Variants in FRYL observed in about 807,000 individuals in gnomAD.
The protein encoded by FRYL is protein furry homolog-like.
In FRYL, 150 loss-of-function variants were observed where a neutral mutation model predicts 351.2. That is an observed-to-expected ratio of 0.43 (90% CI 0.37 to 0.49). The LOEUF (loss-of-function observed/expected upper bound fraction) is 0.49, where lower values mean the gene tolerates loss of function less well. Among genes scored for constraint, FRYL ranks in the 20% least tolerant of loss-of-function variants. The probability of loss-of-function intolerance (pLI) is 0.00; values close to 1 mark genes in which losing one functional copy is unlikely to be tolerated. For synonymous variants in FRYL, 1,153 were observed against 1,257.1 expected, an observed-to-expected ratio of 0.92 and a Z score of 1.75; for missense variants, 3,036 against 3,619.3, an observed-to-expected ratio of 0.84 and a Z score of 4.13.
chr4:48,687,894 A>G (rs1462304522), intron 2 of FRYL, among the ~76,000 whole-genome samples: 1 of 152,168 alleles, frequency 6.6e-6, no homozygotes, highest in East Asian at 1.9e-4. Context: ...ATTAGTATGT[A>G]AGTAATACGA....
intron 2 of FRYL, among the ~76,000 whole-genome samples, chr4:48,695,747 T>C (rs1766099086): frequency 6.6e-6 from 1 of 152,112 alleles, no homozygotes; most frequent in African/African-American, 2.4e-5. Context: ...ACAGGCAACC[T>C]ACAGAATGGC....
intron 1 of FRYL, among the ~76,000 whole-genome samples, chr4:48,748,018 G>A (rs1227430966): frequency 6.6e-6 from 1 of 152,158 alleles, no homozygotes; most frequent in Admixed American, 6.5e-5. Flanking sequence ...GGCTGAAGAG[G>A]GCAGATCACT....
At chr4:48,556,861 A>C in intron 35 of FRYL, 117 bp downstream of exon 35, 1 of 802,962 alleles carries the variant, frequency 1.2e-6, no homozygotes, top group Non-Finnish European at 1.9e-6. Context: ...GACTGTCTTC[A>C]TCCCGGCCCT....
chr4:48,759,828 ACC>A (rs1005796125), intron 1 of FRYL, among the ~76,000 whole-genome samples: 2 of 151,934 alleles, frequency 1.3e-5, no homozygotes, highest in Non-Finnish European at 2.9e-5. Flanking sequence ...ATCCAGGCTA[ACC>A]CCCCTATTAC....
At chr4:48,700,069 G>A (rs1766576256) in intron 2 of FRYL, among the ~76,000 whole-genome samples, 3 of 152,164 alleles carry the variant, frequency 2.0e-5, no homozygotes, top group Non-Finnish European at 2.9e-5. Flanking sequence ...TGAGAGACAC[G>A]AATGATGAAT....
At position 48,499,274 on chromosome 4, in the gene FRYL, G is replaced by T. The variant is rs373518815; in HGVS notation, c.*148C>A. 16 of 669,316 alleles carry T rather than the reference G, an allele frequency of 2.4e-5. No homozygotes were observed. Among genetic ancestry groups the T allele is most frequent in the African/African-American group, 7.2e-5 (4 of 55,390 alleles). The allele number at this position is 669,316 out of a possible 1,614,324, so 41.5% of individuals were successfully genotyped here. On this transcript the variant is annotated 3_prime_UTR_variant, in exon 64 of 64. Transcript: ENST00000358350. ...AGATGTTTTTTTCTTTCAGATCTTT[G>T]TTTTTGATGATACAGTTTGACATTA...
At chr4:48,548,154 G>T (rs945043223) in intron 40 of FRYL, among the ~76,000 whole-genome samples, 1 of 152,036 alleles carries the variant, frequency 6.6e-6, no homozygotes, top group Non-Finnish European at 1.5e-5. Context: ...CATTAAGTGT[G>T]CCCATCAGGA....
chr4:48,772,359 C>A (rs1479939379), intron 1 of FRYL, among the ~76,000 whole-genome samples: 2 of 152,092 alleles, frequency 1.3e-5, no homozygotes, highest in Non-Finnish European at 2.9e-5. Flanking sequence ...GCACTCCAGC[C>A]TGGGCAACAG....
chr4:48,582,864 C>G (rs937257165), intron 19 of FRYL, 130 bp from the exon 20 acceptor site: 62 of 672,214 alleles, frequency 9.2e-5, no homozygotes, highest in Non-Finnish European at 1.4e-4. Flanking sequence ...AGATAGCAAC[C>G]AATGATCACT....
chr4:48,505,672 C>A lies in FRYL; in HGVS notation c.8395-57G>T, dbSNP rs569936469. On this transcript the variant is annotated intron_variant, in intron 59 of 63. Coordinates refer to ENST00000358350, the MANE Select transcript of FRYL (RefSeq NM_015030.2). ...CACAGTAAAATGGGTAGTGTAACAG[C>A]CTGTCCATATACAACACCAAACTTA... 7 of 1,080,774 alleles carry A rather than the reference C, an allele frequency of 6.5e-6. No individual in the cohort carries two copies. In the African/African-American group the frequency reaches 9.4e-5, roughly 15 times the overall value. 66.9% of individuals were successfully genotyped at this position (1,080,774 alleles called of 1,614,324 possible).
chr4:48,518,344 C>A (rs1724103492), intron 55 of FRYL, among the ~76,000 whole-genome samples: 1 of 152,188 alleles, frequency 6.6e-6, no homozygotes. Context: ...CTGCTAAATT[C>A]TTGCTAATAT....
Position 48,510,878 on chromosome 4 carries a change from A to G in FRYL, c.8252T>C (p.Met2751Thr). The change falls in exon 58 of 64, where the codon ATG becomes ACG. Residue 2751 changes from methionine (M) to threonine (T), a missense_variant. Coordinates refer to ENST00000358350, the MANE Select transcript of FRYL (RefSeq NM_015030.2). ...GACTGTTGGGCATTCTGAACACAGCATCATCACTTCCAAGGAACTTTTAAA... is the reference window on the plus strand; with the variant it reads ...GACTGTTGGGCATTCTGAACACAGCGTCATCACTTCCAAGGAACTTTTAAA... ...TKFKSSLEVM[M>T]LCSECPTVFV... 6.2e-7 allele frequency: 1 copy of G among 1,613,412 alleles called. No individual in the cohort carries two copies. Among genetic ancestry groups the G allele is most frequent in the African/African-American group, 1.3e-5 (1 of 75,024 alleles).
intron 15 of FRYL, among the ~76,000 whole-genome samples, 180 bp from the exon 16 acceptor site, chr4:48,594,196 A>G (rs141315075): frequency 4.4e-4 from 67 of 152,316 alleles, no homozygotes; most frequent in African/African-American, 1.5e-3. Context: ...ATATTATTTA[A>G]TTATCAAATG....
chr4:48,581,186 G>A (rs1224865438), intron 21 of FRYL, among the ~76,000 whole-genome samples: 1 of 151,652 alleles, frequency 6.6e-6, no homozygotes, highest in African/African-American at 2.4e-5. Context: ...GACTACAGGC[G>A]CCCGCCACCA....
chr4:48,701,991 T>C (rs183007044), intron 2 of FRYL, among the ~76,000 whole-genome samples: 3 of 151,946 alleles, frequency 2.0e-5, no homozygotes, highest in Non-Finnish European at 4.4e-5. Context: ...GCAAGTAACA[T>C]TCTTCTGTTT....
chr4:48,598,558 T>G (rs892835299), intron 13 of FRYL, among the ~76,000 whole-genome samples: 2 of 152,216 alleles, frequency 1.3e-5, no homozygotes, highest in African/African-American at 4.8e-5. Context: ...AGATAATGTA[T>G]GTTAAACAGA....
chr4:48,569,496 G>A (rs183373747), intron 27 of FRYL, among the ~76,000 whole-genome samples: 2 of 152,230 alleles, frequency 1.3e-5, no homozygotes, highest in Non-Finnish European at 2.9e-5. Context: ...TGGTAGAGAC[G>A]GGGTTTCGCC....
Position 48,634,447 on chromosome 4 carries a change from G to T in FRYL, c.-37C>A, listed in dbSNP as rs1462380023. On this transcript the variant is annotated 5_prime_UTR_variant, in exon 4 of 64. Transcript: ENST00000358350. ...TTTTTCCCCAAGTGGAATGAAAGTT[G>T]GAAGAAGCACAGTATTTATTTACTT... 1.9e-6 allele frequency: 3 copies of T among 1,611,348 alleles called. No homozygotes were observed. The highest frequency in any genetic ancestry group is 2.7e-5 in the African/African-American group (2 of 74,764).
At chr4:48,664,913 AG>A (rs1274637821) in intron 3 of FRYL, among the ~76,000 whole-genome samples, 2 of 152,216 alleles carry the variant, frequency 1.3e-5, no homozygotes, top group Non-Finnish European at 2.9e-5. Flanking sequence ...CTAAATAGAA[AG>A]GTTTCAGGTC....
Sources: gnomAD v4.1 joint callset for allele counts (sites outside exome capture counted in the v4.1 genomes callset) on GRCh38, gnomAD v4.1.1 for gene constraint, MANE v1.5 for transcripts, NCBI Gene and HGNC (gene_info 2026-07-23, HGNC 2026-07-21) for gene names.